HTR3B: variants seen among roughly 807,000 people sequenced by gnomAD.
HTR3B encodes 5-hydroxytryptamine (serotonin) receptor 3B, ionotropic.
HTR3B carries 44 observed loss-of-function variants against 42.8 expected under a neutral mutation model. That is an observed-to-expected ratio of 1.03 (90% CI 0.81 to 1.32). The LOEUF is 1.32. Ranked by LOEUF, HTR3B falls within the 40% of genes most tolerant of loss-of-function variation. HTR3B has a pLI of 0.00. For synonymous variants in HTR3B, 203 were observed against 209.0 expected (o/e 0.97, Z 0.25); for missense variants, 527 against 536.5 (o/e 0.98, Z 0.17).
intron 6 of HTR3B, among the ~76,000 whole-genome samples, chr11:113,938,855 C>T (rs1046052732): frequency 1.1e-4 from 17 of 151,906 alleles, no homozygotes; most frequent in Non-Finnish European, 1.9e-4. Flanking sequence ...ATTAGCTGGG[C>T]GTGGTGGCAG....
At chr11:113,919,130 T>C (rs1159809316) in intron 2 of HTR3B, among the ~76,000 whole-genome samples, 1 of 152,214 alleles carries the variant, frequency 6.6e-6, no homozygotes, top group Non-Finnish European at 1.5e-5. Flanking sequence ...TTATAGTTCC[T>C]CTATTAGCTT....
chr11:113,944,632 T>G lies in HTR3B; in HGVS notation c.967T>G (p.Leu323Val), dbSNP rs78418698. 4.1e-3 allele frequency: 6,566 copies of G among 1,614,166 alleles called. 20 individuals are homozygous for G. Among genetic ancestry groups the G allele is most frequent in the Non-Finnish European group, 4.6e-3 (5,381 of 1,180,008 alleles). ...LVLSLAKSIV[L>V]VKFLHDEQRG... is the part of the protein sequence containing the mutation. ...TCTCAGCTTAGCTAAGTCCATCGTGTTGGTCAAATTCCTCCATGATGAGCA... is the reference window on the plus strand; with the variant it reads ...TCTCAGCTTAGCTAAGTCCATCGTGGTGGTCAAATTCCTCCATGATGAGCA... The change falls in exon 8 of 9, where the codon TTG becomes GTG. Residue 323 changes from leucine (L) to valine (V), a missense_variant. Transcript: ENST00000260191.
At chr11:113,937,403 T>C (rs1198546602) in intron 6 of HTR3B, among the ~76,000 whole-genome samples, 3 of 152,170 alleles carry the variant, frequency 2.0e-5, no homozygotes, top group Non-Finnish European at 4.4e-5. Flanking sequence ...GGCTCCATGG[T>C]GAACACTTAG....
chr11:113,931,184 T>C (rs1950031113), intron 2 of HTR3B, among the ~76,000 whole-genome samples, 200 bp from the exon 3 acceptor site: 2 of 151,826 alleles, frequency 1.3e-5, no homozygotes, highest in South Asian at 4.2e-4. Flanking sequence ...ATAGATAATA[T>C]AGTAAAGCTC....
intron 1 of HTR3B, among the ~76,000 whole-genome samples, chr11:113,906,215 T>C (rs1193231581): frequency 1.3e-5 from 2 of 152,200 alleles, no homozygotes; most frequent in African/African-American, 4.8e-5. Context: ...CCCTGTGGAA[T>C]TGTACTGGGT....
Position 113,904,973 on chromosome 11 carries a change from C to A in HTR3B, c.40C>A (p.Leu14Met). 1 of 1,612,688 alleles carries A rather than the reference C, an allele frequency of 6.2e-7. No individual in the cohort carries two copies. The highest frequency in any genetic ancestry group is 8.5e-7 in the Non-Finnish European group (1 of 1,178,744). Reference protein sequence around the residue: ...SVMAPLWACILVAAGILATDT... With the variant: ...SVMAPLWACIMVAAGILATDT... ...AATGGCTCCCCTGTGGGCCTGCATC[C>A]TGGTGGCTGCAGGTGAGTCCTTTTA... The change falls in exon 1 of 9, where the codon CTG (leucine) becomes ATG (methionine). Residue 14 changes from leucine (L) to methionine (M), a missense_variant. Physicochemically the swap from Leu to Met is conservative, Grantham distance 15 (BLOSUM62 2). Transcript: ENST00000260191.
At chr11:113,932,795 C>T (rs1326779774) in intron 5 of HTR3B, 141 bp from the exon 6 acceptor site, 3 of 769,414 alleles carry the variant, frequency 3.9e-6, no homozygotes, top group Middle Eastern at 7.7e-4. Context: ...ACATCCCTAC[C>T]CCCTAATTCA....
At chr11:113,902,759 T>A (rs906639614), upstream of HTR3B, among the ~76,000 whole-genome samples, 3 of 152,242 alleles carry the variant, frequency 2.0e-5, no homozygotes, top group African/African-American at 7.2e-5. Context: ...CCCAAAATGT[T>A]CTTTATAACA....
chr11:113,938,485 CA>C (rs1950108625), intron 6 of HTR3B, among the ~76,000 whole-genome samples: 2 of 152,306 alleles, frequency 1.3e-5, no homozygotes, highest in Middle Eastern at 3.4e-3. Flanking sequence ...ATGAAACACT[CA>C]ATCACCAGAA....
At chr11:113,931,334 G>T in intron 2 of HTR3B, 50 bp from the exon 3 acceptor site, 1 of 1,400,296 alleles carries the variant, frequency 7.1e-7, no homozygotes, top group South Asian at 1.2e-5. Flanking sequence ...ATTGGCCTTT[G>T]ATTTATTGAC....
At chr11:113,920,050 T>C (rs1474792057) in intron 2 of HTR3B, among the ~76,000 whole-genome samples, 1 of 152,064 alleles carries the variant, frequency 6.6e-6, no homozygotes, top group Non-Finnish European at 1.5e-5. Flanking sequence ...TTTTTTGAGA[T>C]GGAGTTTCAC....
intron 2 of HTR3B, among the ~76,000 whole-genome samples, chr11:113,912,538 C>T (rs375376468): frequency 2.9e-4 from 44 of 152,312 alleles, no homozygotes; most frequent in East Asian, 1.9e-3. Flanking sequence ...CCACCGTGCC[C>T]GGCGTTTCCA....
chr11:113,913,350 A>ATTTTTTTTTTTTTT (rs71063533), intron 2 of HTR3B, among the ~76,000 whole-genome samples: 80 of 61,526 alleles, frequency 1.3e-3, no homozygotes, highest in African/African-American at 2.8e-3. Context: ...TGTCTGGCTA[A>ATTTTTTTTTTTTTT]TTTTTTTTTT....
chr11:113,908,754 A>T (rs1298488608), intron 1 of HTR3B, among the ~76,000 whole-genome samples: 2 of 152,224 alleles, frequency 1.3e-5, no homozygotes, highest in Non-Finnish European at 2.9e-5. Flanking sequence ...TGAAATGAGA[A>T]AAGAGATTTT....
intron 6 of HTR3B, among the ~76,000 whole-genome samples, chr11:113,933,786 T>G (rs1950062764): frequency 6.6e-6 from 1 of 152,192 alleles, no homozygotes; most frequent in Non-Finnish European, 1.5e-5. Flanking sequence ...TGTCCCATCT[T>G]TGGCCCCCTG....
chr11:113,909,137 T>C, intron 1 of HTR3B, 158 bp from the exon 2 acceptor site: 2 of 642,454 alleles, frequency 3.1e-6, no homozygotes, highest in South Asian at 1.8e-5. Flanking sequence ...TTTAAGCATT[T>C]GCCAAAGGCC....
At chr11:113,941,918 T>C (rs1950138140) in intron 6 of HTR3B, among the ~76,000 whole-genome samples, 1 of 152,160 alleles carries the variant, frequency 6.6e-6, no homozygotes, top group Admixed American at 6.6e-5. Flanking sequence ...CGCCATCTTG[T>C]GGTTTCCCTA....
At chr11:113,908,899 TC>T (rs1370792175) in intron 1 of HTR3B, 13 of 238,006 alleles carry the variant, frequency 5.5e-5, no homozygotes, top group Middle Eastern at 1.3e-3. Flanking sequence ...GCATGAAAAA[TC>T]AAAAGAAAAA....
At chr11:113,916,494 C>T (rs1949855720) in intron 2 of HTR3B, among the ~76,000 whole-genome samples, 1 of 152,144 alleles carries the variant, frequency 6.6e-6, no homozygotes, top group Admixed American at 6.5e-5. Flanking sequence ...ATCTTCTAAT[C>T]TCGTTCTTCT....
Sources: allele counts gnomAD v4.1 joint callset (sites outside exome capture counted in the v4.1 genomes callset), GRCh38; gene constraint gnomAD v4.1.1; transcripts MANE v1.5; gene names NCBI Gene and HGNC (gene_info 2026-07-23, HGNC 2026-07-21).